Variants in BLOC1S1 observed in about 807,000 individuals in gnomAD.
BLOC1S1 encodes biogenesis of lysosome-related organelles complex 1 subunit 1.
A neutral mutation model predicts 19.0 loss-of-function variants in BLOC1S1; 11 were observed. That is an observed-to-expected ratio of 0.58 (90% CI 0.37 to 0.96). The LOEUF (loss-of-function observed/expected upper bound fraction) is 0.96, where lower values mean the gene tolerates loss of function less well. Ranked by LOEUF, BLOC1S1 falls within the 40% of genes least tolerant of loss-of-function variation. The pLI is 0.01. For missense variants in BLOC1S1, 220 were observed against 195.9 expected, an observed-to-expected ratio of 1.12 and a Z score of -0.73; for synonymous variants, 94 against 76.4, an observed-to-expected ratio of 1.23 and a Z score of -1.20.
At position 55,716,207 on chromosome 12, in the gene BLOC1S1, T is replaced by A. The variant is rs1565651706; in HGVS notation, c.145+11T>A. On this transcript the variant is annotated intron_variant, in intron 1 of 3. Coordinates refer to ENST00000548925, the MANE Select transcript of BLOC1S1 (RefSeq NM_001487.4). ...GCAAGGAGCTGCAGGGTGAGCCAAA[T>A]ATCCTGTCGGCCGTTTTCTCTTCGG... 2 of 1,602,110 alleles carry A rather than the reference T, an allele frequency of 1.2e-6. No homozygotes were observed. The highest frequency in any genetic ancestry group is 1.7e-6 in the Non-Finnish European group (2 of 1,174,612).
chr12:55,717,074 T>G lies in BLOC1S1; in HGVS notation c.218+69T>G, dbSNP rs924775530. On this transcript the variant is annotated intron_variant, in intron 2 of 3. Coordinates refer to ENST00000548925, the MANE Select transcript of BLOC1S1 (RefSeq NM_001487.4). ...GCCCAAGTTTAGGCACTGGCCAGTC[T>G]GGCCCTCAAATAGCTGTTGAAGGGG... 5 of 1,345,044 alleles carry G rather than the reference T, an allele frequency of 3.7e-6. No individual in the cohort carries two copies. In the African/African-American group the frequency reaches 7.5e-5, roughly 20 times the overall value. The allele number at this position is 1,345,044 out of a possible 1,614,324, so 83.3% of individuals were successfully genotyped here. A position where few individuals can be genotyped will look rare whatever the true frequency, so the allele number is the denominator to read the frequency against.
intron 2 of BLOC1S1, among the ~76,000 whole-genome samples, chr12:55,718,434 C>G (rs1876730681): frequency 6.6e-6 from 1 of 152,152 alleles, no homozygotes; most frequent in African/African-American, 2.4e-5. Flanking sequence ...ATGGTAACCA[C>G]AGCCCATACC....
At chr12:55,716,411 A>C (rs1357889457) in intron 1 of BLOC1S1, 1 of 1,387,328 alleles carries the variant, frequency 7.2e-7, no homozygotes, top group Non-Finnish European at 9.3e-7. Flanking sequence ...TCCCCTCGGC[A>C]ACGCCCCCAA....
chr12:55,718,973 T>C (rs1363078450), intron 2 of BLOC1S1, 118 bp from the exon 3 acceptor site: 2 of 1,361,576 alleles, frequency 1.5e-6, no homozygotes, highest in African/African-American at 2.9e-5. Flanking sequence ...CATCCAAAAA[T>C]GGCCAAAATT....
Position 55,719,579 on chromosome 12 carries a change from C to T in BLOC1S1, c.432C>T (p.Tyr144=). 6.2e-7 allele frequency: 1 copy of T among 1,614,150 alleles called. No homozygotes were observed. The highest frequency in any genetic ancestry group is 8.5e-7 in the Non-Finnish European group (1 of 1,180,018). The change falls in exon 4 of 4, where the codon TAC becomes TAT. Residue 144 remains tyrosine, a synonymous_variant. Transcript: ENST00000548925. ...TTGCCACTGCACTGGAATATGTCTA[C>T]AAAGGGCAGCTGCAGTCTGCCCCTT... ...RTIATALEYV[Y]KGQLQSAPS is the part of the protein sequence containing the mutation.
intron 2 of BLOC1S1, 151 bp from the exon 3 acceptor site, chr12:55,718,940 T>C (rs746586010): frequency 2.4e-5 from 23 of 943,866 alleles, no homozygotes; most frequent in Non-Finnish European, 2.9e-5. Context: ...TTTATTTGCA[T>C]GTACTGGTAG....
intron 2 of BLOC1S1, among the ~76,000 whole-genome samples, chr12:55,718,382 A>C (rs1300841873): frequency 6.6e-6 from 1 of 152,172 alleles, no homozygotes; most frequent in African/African-American, 2.4e-5. Flanking sequence ...GGAGGGCAAA[A>C]AACACTGGCA....
chr12:55,719,250 C>G, intron 3 of BLOC1S1, 27 bp downstream of exon 3: 3 of 1,614,084 alleles, frequency 1.9e-6, no homozygotes, highest in Non-Finnish European at 2.5e-6. Context: ...ACCTCACCAC[C>G]CCAATCCTGG....
At chr12:55,716,422 T>A in intron 1 of BLOC1S1, 2 of 1,348,324 alleles carry the variant, frequency 1.5e-6, no homozygotes, top group Non-Finnish European at 1.9e-6. Context: ...ACGCCCCCAA[T>A]CCCCGACCTG....
Position 55,719,236 on chromosome 12 carries a change from C to G in BLOC1S1, c.351+13C>G. ...CCAGGCACTCAAGGTGGGCCATACTCCCTACCTCACCACCCCAATCCTGGG... is the reference window on the plus strand; with the variant it reads ...CCAGGCACTCAAGGTGGGCCATACTGCCTACCTCACCACCCCAATCCTGGG... On this transcript the variant is annotated intron_variant, in intron 3 of 3. Coordinates refer to ENST00000548925, the MANE Select transcript of BLOC1S1 (RefSeq NM_001487.4). 1 of 1,614,080 alleles carries G rather than the reference C, an allele frequency of 6.2e-7. No homozygotes were observed. The highest frequency in any genetic ancestry group is 8.5e-7 in the Non-Finnish European group (1 of 1,180,012).
intron 1 of BLOC1S1, 188 bp downstream of exon 1, chr12:55,716,384 C>G: frequency 2.8e-6 from 4 of 1,424,584 alleles, no homozygotes; most frequent in Non-Finnish European, 3.7e-6. Flanking sequence ...GCTCCGGTCC[C>G]TTGGGCAATA....
chr12:55,716,306 G>T, intron 1 of BLOC1S1, 110 bp downstream of exon 1: 1 of 1,514,434 alleles, frequency 6.6e-7, no homozygotes, highest in Non-Finnish European at 8.8e-7. Flanking sequence ...CCAGCTAGCG[G>T]GCAACGGGCA....
chr12:55,718,161 G>C (rs375532802), intron 2 of BLOC1S1, among the ~76,000 whole-genome samples: 1 of 152,148 alleles, frequency 6.6e-6, no homozygotes, highest in Non-Finnish European at 1.5e-5. Flanking sequence ...CTCATTCCCC[G>C]GAAAGGAAAA....
intron 2 of BLOC1S1, among the ~76,000 whole-genome samples, chr12:55,718,492 A>ATGTGTGTGTGTG (rs5798357): frequency 2.1e-4 from 31 of 150,008 alleles, no homozygotes; most frequent in African/African-American, 5.6e-4. Context: ...GAGGGAGAGC[A>ATGTGTGTGTGTG]TGTGTGTGTG....
rs1374987483 is a variant in BLOC1S1 at position 55,719,184 on chromosome 12, G to C, written c.312G>C (p.Gln104His). ...CCCAATTTGCCAAGCAGACAGGCCAGTGGATCGGAATGGTGGAGAACTTCA... is the reference window on the plus strand; with the variant it reads ...CCCAATTTGCCAAGCAGACAGGCCACTGGATCGGAATGGTGGAGAACTTCA... Reference protein sequence around the residue: ...QAAQFAKQTGQWIGMVENFNQ... With the variant: ...QAAQFAKQTGHWIGMVENFNQ... Residue 104 changes from glutamine (Q) to histidine (H), a missense_variant, in exon 3 of 4, where the codon CAG becomes CAC. Coordinates refer to ENST00000548925, the MANE Select transcript of BLOC1S1 (RefSeq NM_001487.4). The C allele has an allele frequency of 6.2e-7, 1 of 1,613,982 alleles. No individual in the cohort carries two copies. The highest frequency in any genetic ancestry group is 1.7e-5 in the Admixed American group (1 of 59,998).
chr12:55,719,036 C>T (rs1031883326), intron 2 of BLOC1S1, 55 bp from the exon 3 acceptor site: 33 of 1,585,270 alleles, frequency 2.1e-5, no homozygotes, highest in African/African-American at 4.1e-5. Flanking sequence ...ATATTAGTCC[C>T]GGAGACCACC....
rs532103455 is a variant in BLOC1S1, at chr12:55,719,176, A to T, written c.304A>T (p.Thr102Ser). The T allele has an allele frequency of 2.0e-5, 32 of 1,613,958 alleles. No individual in the cohort carries two copies. Among genetic ancestry groups the T allele is most frequent in the Admixed American group, 3.3e-5 (2 of 60,004 alleles). Residue 102 changes from threonine (T) to serine (S), a missense_variant, in exon 3 of 4, where the codon ACA becomes TCA. Physicochemically the swap from Thr to Ser is moderately conservative, Grantham distance 58 (BLOSUM62 1). Coordinates refer to ENST00000548925, the MANE Select transcript of BLOC1S1 (RefSeq NM_001487.4). Reference sequence around the variant, plus strand: ...CCAGGCTGCCCAATTTGCCAAGCAGACAGGCCAGTGGATCGGAATGGTGGA... The same window carrying T: ...CCAGGCTGCCCAATTTGCCAAGCAGTCAGGCCAGTGGATCGGAATGGTGGA... ...QVQAAQFAKQ[T>S]GQWIGMVENF...
chr12:55,716,312 G>A, intron 1 of BLOC1S1, 116 bp downstream of exon 1: 5 of 1,504,722 alleles, frequency 3.3e-6, no homozygotes, highest in Non-Finnish European at 3.5e-6. Context: ...AGCGGGCAAC[G>A]GGCATGGGGG....
At chr12:55,716,647 C>G (rs890653003) in intron 1 of BLOC1S1, 8 of 1,263,054 alleles carry the variant, frequency 6.3e-6, no homozygotes, top group East Asian at 7.8e-5. Context: ...ATTCTGCGGC[C>G]GAGTAGTGGA....
Sources: gnomAD v4.1 joint callset for allele counts (sites outside exome capture counted in the v4.1 genomes callset) on GRCh38, gnomAD v4.1.1 for gene constraint, MANE v1.5 for transcripts, NCBI Gene and HGNC (gene_info 2026-07-23, HGNC 2026-07-21) for gene names.